The following AIG1 variants were observed in gnomAD, a reference collection of about 807,000 sequenced individuals.
AIG1 encodes androgen-induced gene 1 protein.
A neutral mutation model predicts 31.4 loss-of-function variants in AIG1; 23 were observed. That is an observed-to-expected ratio of 0.73 (90% CI 0.53 to 1.04). AIG1 has a LOEUF of 1.04. AIG1 is among the 50% of genes least tolerant of loss of function. The pLI is 0.00. For synonymous variants in AIG1, 100 were observed against 110.5 expected, an observed-to-expected ratio of 0.90 and a Z score of 0.60; for missense variants, 274 against 295.0, an observed-to-expected ratio of 0.93 and a Z score of 0.52.
intron 3 of AIG1, among the ~76,000 whole-genome samples, chr6:143,239,458 T>C (rs979968918): frequency 1.6e-4 from 25 of 152,160 alleles, no homozygotes; most frequent in African/African-American, 4.6e-4. Flanking sequence ...GAGGAGATGG[T>C]GGATGCTTGT....
chr6:143,099,626 G>A (rs1450228138), intron 1 of AIG1: 2 of 152,068 alleles, frequency 1.3e-5, no homozygotes, highest in East Asian at 1.9e-4. Flanking sequence ...TATTGTGTTG[G>A]TTAGTTTTGC....
At chr6:143,222,387 GGTTTTTTTTTT>G (rs1792590940) in intron 3 of AIG1, among the ~76,000 whole-genome samples, 1 of 140,676 alleles carries the variant, frequency 7.1e-6, no homozygotes, top group Non-Finnish European at 1.5e-5. Flanking sequence ...GGTAGTATCT[GGTTTTTTTTTT>G]GTTGTTGTTG....
At position 143,298,252 on chromosome 6, in the gene AIG1, G is replaced by A. The variant is rs545913198; in HGVS notation, c.515+14027G>A. Reference sequence around the variant, plus strand: ...GGAGATCTGATCAGGCCCTAGAGGAGTGAACAGCTTGAAAGAAATTGTCAG... The same window carrying A: ...GGAGATCTGATCAGGCCCTAGAGGAATGAACAGCTTGAAAGAAATTGTCAG... On this transcript the variant is annotated intron_variant, in intron 4 of 5. Transcript: ENST00000357847. This position sits in a 1 kb window ranked among gnomAD's most constrained non-coding sequence, Gnocchi z 5.1. Among the ~76,000 whole-genome samples, 26 of 152,002 alleles carry A rather than the reference G, an allele frequency of 1.7e-4. 1 individual carries two copies. In the South Asian group the frequency reaches 4.4e-3, roughly 26 times the overall value.
chr6:143,135,375 A>C (rs1783641535), intron 1 of AIG1, among the ~76,000 whole-genome samples: 3 of 152,152 alleles, frequency 2.0e-5, no homozygotes, highest in Admixed American at 2.0e-4. Context: ...GAATATATGA[A>C]AAATAGAAAA....
At chr6:143,151,047 A>G (rs912066071) in intron 2 of AIG1, among the ~76,000 whole-genome samples, 2 of 152,188 alleles carry the variant, frequency 1.3e-5, no homozygotes, top group Admixed American at 6.5e-5. Flanking sequence ...CGTGGACAGT[A>G]TATGTCTATC....
chr6:143,262,655 A>G (rs1453598885), intron 3 of AIG1, among the ~76,000 whole-genome samples: 5 of 152,156 alleles, frequency 3.3e-5, no homozygotes, highest in African/African-American at 1.2e-4. Flanking sequence ...AGGTAGAAGG[A>G]GGCAATATGC....
intron 2 of AIG1, among the ~76,000 whole-genome samples, chr6:143,154,418 G>C (rs1468250851): frequency 1.3e-5 from 2 of 152,114 alleles, no homozygotes; most frequent in Admixed American, 1.3e-4. Flanking sequence ...CAAATCAACA[G>C]TTGCCAGGAG....
intron 2 of AIG1, among the ~76,000 whole-genome samples, chr6:143,146,621 A>G (rs1015714089): frequency 2.0e-5 from 3 of 152,072 alleles, no homozygotes; most frequent in African/African-American, 7.2e-5. Flanking sequence ...AGAAAAGGAA[A>G]CTAACTTATT....
intron 2 of AIG1, among the ~76,000 whole-genome samples, chr6:143,137,943 CAG>C (rs1260225754): frequency 1.3e-5 from 2 of 152,200 alleles, no homozygotes; most frequent in East Asian, 3.8e-4. Context: ...TAGGAAGAAT[CAG>C]AAAGTTGATC....
chr6:143,272,133 C>G (rs1361175775), intron 3 of AIG1, among the ~76,000 whole-genome samples: 2 of 152,078 alleles, frequency 1.3e-5, no homozygotes, highest in South Asian at 2.1e-4. Flanking sequence ...TTTGATTATA[C>G]TGAGATAGAT....
At chr6:143,140,931 G>A (rs983994879) in intron 2 of AIG1, among the ~76,000 whole-genome samples, 3 of 152,196 alleles carry the variant, frequency 2.0e-5, no homozygotes, top group Non-Finnish European at 4.4e-5. Flanking sequence ...GTCCCCAGAG[G>A]CCTCCCCTGC....
At chr6:143,285,459 C>A (rs565356119) in intron 4 of AIG1, among the ~76,000 whole-genome samples, 173 of 151,334 alleles carry the variant, frequency 1.1e-3, no homozygotes, top group Non-Finnish European at 2.0e-3. Context: ...ACCGGGAGTT[C>A]GAGACCAGTC....
At chr6:143,233,946 C>T (rs1395467487) in intron 3 of AIG1, among the ~76,000 whole-genome samples, 2 of 152,142 alleles carry the variant, frequency 1.3e-5, no homozygotes, top group Admixed American at 6.5e-5. Context: ...ACATAGTTTG[C>T]CAAGTTAGTA....
At chr6:143,259,539 A>G (rs192831081) in intron 3 of AIG1, among the ~76,000 whole-genome samples, 2 of 152,272 alleles carry the variant, frequency 1.3e-5, no homozygotes, top group Non-Finnish European at 2.9e-5. Flanking sequence ...ATATATATGT[A>G]TGCCTTTCTT....
chr6:143,208,872 T>C lies in AIG1; in HGVS notation c.399+43689T>C, dbSNP rs150941367. 4.6e-3 allele frequency among the ~76,000 whole-genome samples: 706 copies of C among 152,024 alleles called. 5 individuals carry two copies. Among genetic ancestry groups the C allele is most frequent in the African/African-American group, 0.016 (657 of 41,466 alleles). On this transcript the variant is annotated intron_variant, in intron 3 of 5. Coordinates refer to ENST00000357847, the MANE Select transcript of AIG1 (RefSeq NM_016108.4). ...GGAAAATTGCCACAGCCGACAGAAA[T>C]GAAGGTGGTGGAGTGCTCAGGGAAG... is the stretch of plus-strand genomic sequence containing the variant.
chr6:143,157,101 AG>A, intron 2 of AIG1, among the ~76,000 whole-genome samples: 2 of 152,386 alleles, frequency 1.3e-5, no homozygotes, highest in South Asian at 4.1e-4. Flanking sequence ...ACTAATACAA[AG>A]GTAAAAGAGG....
At chr6:143,079,457 C>T (rs138404912) in intron 1 of AIG1, among the ~76,000 whole-genome samples, 5 of 152,210 alleles carry the variant, frequency 3.3e-5, no homozygotes, top group Non-Finnish European at 5.9e-5. Context: ...CCCAATGCAC[C>T]TGTCATTGTG....
intron 3 of AIG1, among the ~76,000 whole-genome samples, chr6:143,219,250 G>A (rs1362388307): frequency 1.3e-5 from 2 of 152,160 alleles, no homozygotes; most frequent in African/African-American, 4.8e-5. Context: ...CTAGCCCCAG[G>A]TTGCTGCTAA....
rs1044643654 is a variant in AIG1 at position 143,158,756 on chromosome 6, G to A, written c.298-6326G>A. ...CACACAGAAGGACAAAAATCCACAG[G>A]GAACATACAGGAGGAATTTTAGGTC... On this transcript the variant is annotated intron_variant, in intron 2 of 5. Coordinates refer to ENST00000357847, the MANE Select transcript of AIG1 (RefSeq NM_016108.4). 7.9e-5 allele frequency among the ~76,000 whole-genome samples: 12 copies of A among 152,126 alleles called. 1 individual carries two copies. In the East Asian group the frequency reaches 2.3e-3, roughly 29 times the overall value.
Sources: allele counts gnomAD v4.1 joint callset (sites outside exome capture counted in the v4.1 genomes callset), GRCh38; gene constraint gnomAD v4.1.1; non-coding constraint Gnocchi (gnomAD v3.1); transcripts MANE v1.5; gene names NCBI Gene and HGNC (gene_info 2026-07-23, HGNC 2026-07-21).